SHE: variants seen among roughly 807,000 people sequenced by gnomAD.
SHE encodes Src homology 2 domain containing E.
Under a neutral mutation model 49.8 loss-of-function variants are expected in SHE, and 11 were observed. The observed-to-expected ratio is 0.22, with a 90% CI of 0.14 to 0.37. The LOEUF (loss-of-function observed/expected upper bound fraction) is 0.37, where lower values mean the gene tolerates loss of function less well. Ranked by LOEUF, SHE falls within the 10% of genes least tolerant of loss-of-function variation. The probability of loss-of-function intolerance (pLI) is 1.00; values close to 1 mark genes in which losing one functional copy is unlikely to be tolerated. For synonymous variants in SHE, 310 were observed against 278.1 expected (o/e 1.11, Z -1.14); for missense variants, 624 against 655.5 (o/e 0.95, Z 0.52).
At position 154,501,513 on chromosome 1, in the gene SHE, AGGAGCT is replaced by A. The variant is rs763119555; in HGVS notation, c.508_513del (p.Ser173_Ser174del). On this transcript the variant is annotated inframe_deletion, in exon 1 of 6. Transcript: ENST00000304760. The stretch of plus-strand genomic sequence containing the variant: ...GAAGGGGAAGAGGACGCGGAGGAAG[AGGAGCT>A]GGAGCTGGAGCTACTGCTGCTGGGG... 20 of 1,614,060 alleles carry A rather than the reference AGGAGCT, an allele frequency of 1.2e-5. No homozygotes were observed. Among genetic ancestry groups the A allele is most frequent in the East Asian group, 4.5e-5 (2 of 44,888 alleles).
chr1:154,472,130 C>CAA (rs57013173), intron 1 of SHE, among the ~76,000 whole-genome samples: 41 of 150,546 alleles, frequency 2.7e-4, no homozygotes, highest in South Asian at 1.7e-3. Flanking sequence ...CACTCTGTCT[C>CAA]AAAAAAAAAA....
rs562080297 is a variant in SHE at position 154,481,743 on chromosome 1, G to C, written c.*2406C>G. 1 of 959,746 alleles carries C rather than the reference G, an allele frequency of 1.0e-6. No individual in the cohort carries two copies. The highest frequency in any genetic ancestry group is 1.2e-6 in the Non-Finnish European group (1 of 806,736). The allele number at this position is 959,746 out of a possible 1,614,324, so 59.5% of individuals were successfully genotyped here. A position where few individuals can be genotyped will look rare whatever the true frequency, so the allele number is the denominator to read the frequency against. On this transcript the variant is annotated 3_prime_UTR_variant, in exon 6 of 6. Coordinates refer to ENST00000304760, the MANE Select transcript of SHE (RefSeq NM_001010846.3). ...TAAAGATAATAAATATTTGTTGAAT[G>C]GATGCTGAAAAAACCTTTTAAAATC...
At chr1:154,491,094 T>G (rs1035609127) in intron 2 of SHE, among the ~76,000 whole-genome samples, 3 of 152,158 alleles carry the variant, frequency 2.0e-5, no homozygotes, top group Non-Finnish European at 4.4e-5. Context: ...GTCTATATTA[T>G]AGACCAACAG....
At chr1:154,486,301 C>T (rs969128441) in intron 4 of SHE, among the ~76,000 whole-genome samples, 9 of 152,192 alleles carry the variant, frequency 5.9e-5, no homozygotes, top group African/African-American at 2.2e-4. Context: ...GAACAGTTTT[C>T]ACTCTCTACA....
At position 154,495,417 on chromosome 1, in the gene SHE, C is replaced by A. The variant is rs576635548; in HGVS notation, c.718+3695G>T. Among the ~76,000 whole-genome samples the A allele has an allele frequency of 4.3e-4, 66 of 152,184 alleles. 1 individual carries two copies. The highest frequency in any genetic ancestry group is 1.6e-3 in the African/African-American group (65 of 41,532). ...TTTATGAACAATCCTTTGGATAAAT[C>A]TCAGTGATAATTTACTCATAAACTC... is the stretch of plus-strand genomic sequence containing the variant. On this transcript the variant is annotated intron_variant, in intron 2 of 5. Coordinates refer to ENST00000304760, the MANE Select transcript of SHE (RefSeq NM_001010846.3).
rs1347463540 is a variant in SHE at position 154,486,437 on chromosome 1, A to C, written c.1181+90T>G. 3 of 1,509,856 alleles carry C rather than the reference A, an allele frequency of 2.0e-6. No homozygotes were observed. The East Asian group carries it at 6.8e-5, about 34-fold the overall frequency. 93.5% of individuals were successfully genotyped at this position (1,509,856 alleles called of 1,614,324 possible). A position where few individuals can be genotyped will look rare whatever the true frequency, so the allele number is the denominator to read the frequency against. On this transcript the variant is annotated intron_variant, in intron 4 of 5. Coordinates refer to ENST00000304760, the MANE Select transcript of SHE (RefSeq NM_001010846.3). The stretch of plus-strand genomic sequence containing the variant: ...CAGGCAAGTGTTCATTAACAAAAAT[A>C]ATCATGTGAAATGGGCCAATGTGCT...
chr1:154,473,365 C>T (rs1427891719), intron 1 of SHE, among the ~76,000 whole-genome samples: 2 of 151,890 alleles, frequency 1.3e-5, no homozygotes, highest in Non-Finnish European at 2.9e-5. Context: ...GTCCCAGCTA[C>T]CTGGGAGGCT....
At position 154,481,460 on chromosome 1, in the gene SHE, T is replaced by C. The variant is rs1014209147; in HGVS notation, c.*2689A>G. 48 of 985,330 alleles carry C rather than the reference T, an allele frequency of 4.9e-5. No homozygotes were observed. Among genetic ancestry groups the C allele is most frequent in the Non-Finnish European group, 5.3e-5 (44 of 829,940 alleles). The allele number at this position is 985,330 out of a possible 1,614,324, so 61.0% of individuals were successfully genotyped here. ...AAACAGTATAGAAGAAGCATAATAC[T>C]GGGCATATGACAGAAGCTCAATAAA... On this transcript the variant is annotated 3_prime_UTR_variant, in exon 6 of 6. Coordinates refer to ENST00000304760, the MANE Select transcript of SHE (RefSeq NM_001010846.3).
In SHE at chr1:154,499,233, G is replaced by T; in HGVS notation, c.597C>A (p.Ile199=). The T allele has an allele frequency of 6.2e-7, 1 of 1,612,684 alleles. No individual in the cohort carries two copies. Among genetic ancestry groups the T allele is most frequent in the Non-Finnish European group, 8.5e-7 (1 of 1,179,380 alleles). Reference sequence around the variant, plus strand: ...AAGGGTCAGCATAGTCTTCTAAAATGATGACCTGAAAAAGAACAAGAGAGG... The same window carrying T: ...AAGGGTCAGCATAGTCTTCTAAAATTATGACCTGAAAAAGAACAAGAGAGG... ...GKIIKQQETV[I]ILEDYADPYD... is the part of the protein sequence containing the mutation. The change falls in exon 2 of 6, where the codon ATC becomes ATA. Residue 199 remains isoleucine, a synonymous_variant. Transcript: ENST00000304760.
At chr1:154,472,132 A>C (rs141911230) in intron 1 of SHE, among the ~76,000 whole-genome samples, 1 of 12,482 alleles carries the variant, frequency 8.0e-5, no homozygotes, top group African/African-American at 1.4e-4. Context: ...CTCTGTCTCA[A>C]AAAAAAAAAA....
rs531517408 is a variant in SHE, at chr1:154,502,183, G to A, written c.-157C>T. On this transcript the variant is annotated 5_prime_UTR_variant, in exon 1 of 6. Transcript: ENST00000304760. ...AGCCTCTGCTCCGGACACGGCAGGCGACAGGCACGACGCGCGGGGGGCCCC... is the reference window on the plus strand; with the variant it reads ...AGCCTCTGCTCCGGACACGGCAGGCAACAGGCACGACGCGCGGGGGGCCCC... 16 of 449,048 alleles carry A rather than the reference G, an allele frequency of 3.6e-5. No individual in the cohort carries two copies. The highest frequency in any genetic ancestry group is 2.6e-4 in the Admixed American group (5 of 19,522). 27.8% of individuals were successfully genotyped at this position (449,048 alleles called of 1,614,324 possible).
chr1:154,498,490 C>A (rs1692609005), intron 2 of SHE, among the ~76,000 whole-genome samples: 1 of 151,734 alleles, frequency 6.6e-6, no homozygotes, highest in Non-Finnish European at 1.5e-5. Context: ...CTCCTCCTCC[C>A]TAGTTCAAGT....
chr1:154,471,031 CAA>C (rs66850263), intron 1 of SHE, among the ~76,000 whole-genome samples: 39 of 147,478 alleles, frequency 2.6e-4, no homozygotes, highest in Admixed American at 1.3e-3. Flanking sequence ...AAAAAAAACA[CAA>C]AAAAAAAATA....
chr1:154,494,726 C>T (rs1371616226), intron 2 of SHE, among the ~76,000 whole-genome samples: 1 of 152,092 alleles, frequency 6.6e-6, no homozygotes, highest in East Asian at 1.9e-4. Flanking sequence ...ATTATTTAAT[C>T]TTTCTGAACC....
intron 4 of SHE, 137 bp from the exon 5 acceptor site, chr1:154,486,199 C>G: frequency 8.3e-7 from 1 of 1,201,606 alleles, no homozygotes; most frequent in Non-Finnish European, 1.2e-6. Flanking sequence ...TCCTGCTTCA[C>G]ATTCAGAACA....
At chr1:154,471,087 G>A (rs894530673) in intron 1 of SHE, among the ~76,000 whole-genome samples, 1 of 152,000 alleles carries the variant, frequency 6.6e-6, no homozygotes, top group Non-Finnish European at 1.5e-5. Flanking sequence ...GCTGGGGCGA[G>A]AGCTCAGAGC....
At chr1:154,494,525 T>C (rs1429637437) in intron 2 of SHE, among the ~76,000 whole-genome samples, 2 of 150,166 alleles carry the variant, frequency 1.3e-5, no homozygotes, top group East Asian at 1.9e-4. Context: ...ATGGAGTTTA[T>C]AGTTTTTTTT....
intron 2 of SHE, among the ~76,000 whole-genome samples, chr1:154,496,591 T>C (rs774465041): frequency 6.6e-6 from 1 of 152,128 alleles, no homozygotes; most frequent in Non-Finnish European, 1.5e-5. Context: ...GACCACTCAA[T>C]GTGGAGTGGG....
chr1:154,470,993 A>G (rs1236164512), intron 1 of SHE, among the ~76,000 whole-genome samples: 1 of 150,344 alleles, frequency 6.7e-6, no homozygotes, highest in African/African-American at 2.4e-5. Flanking sequence ...CTGGGTGACA[A>G]AGAGTGAGTG....
Sources: gnomAD v4.1 joint callset for allele counts (sites outside exome capture counted in the v4.1 genomes callset) on GRCh38, gnomAD v4.1.1 for gene constraint, MANE v1.5 for transcripts, NCBI Gene and HGNC (gene_info 2026-07-23, HGNC 2026-07-21) for gene names.